Variants in MED13 observed in about 807,000 individuals in gnomAD.
MED13 encodes the protein mediator of RNA polymerase II transcription subunit 13.
MED13 carries 23 observed loss-of-function variants against 225.2 expected under a neutral mutation model. The observed-to-expected ratio is 0.10, with a 90% CI of 0.07 to 0.14. MED13 has a LOEUF of 0.14. Ranked by LOEUF, MED13 falls within the 10% of genes least tolerant of loss-of-function variation. The probability of loss-of-function intolerance (pLI) is 1.00; values close to 1 mark genes in which losing one functional copy is unlikely to be tolerated. For synonymous variants in MED13, 942 were observed against 889.2 expected (o/e 1.06, Z -1.06); for missense variants, 2,197 against 2,594.5 (o/e 0.85, Z 3.33).
At chr17:61,976,184 GATAA>G (rs1444909109) in intron 16 of MED13, among the ~76,000 whole-genome samples, 5 of 152,116 alleles carry the variant, frequency 3.3e-5, no homozygotes, top group African/African-American at 7.2e-5. Context: ...CTAATGAATG[GATAA>G]ATAAAATACG....
At chr17:61,993,252 A>G (rs2143510136) in intron 10 of MED13, among the ~76,000 whole-genome samples, 1 of 135,520 alleles carries the variant, frequency 7.4e-6, no homozygotes, top group East Asian at 2.2e-4. Context: ...CCCACGCTAG[A>G]GTGCAGTGGC....
At chr17:62,043,123 T>G (rs1474441263) in intron 3 of MED13, among the ~76,000 whole-genome samples, 1 of 117,084 alleles carries the variant, frequency 8.5e-6, no homozygotes, top group Non-Finnish European at 1.6e-5. Flanking sequence ...ACCACTGTAC[T>G]CTGGCCTAGG....
At chr17:62,038,830 A>AT (rs367641054) in intron 3 of MED13, among the ~76,000 whole-genome samples, 1 of 149,688 alleles carries the variant, frequency 6.7e-6, no homozygotes. Flanking sequence ...CACCCAGCTA[A>AT]TTTTTTTTTT....
chr17:61,985,437 G>C (rs1056104078), intron 12 of MED13, among the ~76,000 whole-genome samples: 1 of 152,182 alleles, frequency 6.6e-6, no homozygotes, highest in African/African-American at 2.4e-5. Context: ...ACTTTGGGAG[G>C]CTGAGGCAGG....
intron 12 of MED13, among the ~76,000 whole-genome samples, chr17:61,985,762 C>T (rs1189174011): frequency 6.6e-6 from 1 of 152,186 alleles, no homozygotes; most frequent in Non-Finnish European, 1.5e-5. Context: ...GCAGAGAAAG[C>T]ATTTGTCTCC....
intron 9 of MED13, among the ~76,000 whole-genome samples, chr17:61,997,420 A>G (rs1400094388): frequency 6.6e-6 from 1 of 152,198 alleles, no homozygotes. Flanking sequence ...TAAACAGCTG[A>G]GTATCAAGTG....
intron 20 of MED13, among the ~76,000 whole-genome samples, chr17:61,964,684 C>G (rs1053153246): frequency 6.6e-6 from 1 of 152,086 alleles, no homozygotes; most frequent in African/African-American, 2.4e-5. Context: ...GTCTGTAATC[C>G]CAGCACTTTG....
rs781626828 is a variant in MED13, at chr17:61,982,188, C to T, written c.3805+10G>A. The T allele has an allele frequency of 2.5e-6, 4 of 1,583,358 alleles. No individual in the cohort carries two copies. In the East Asian group the frequency reaches 9.0e-5, roughly 36 times the overall value. Reference sequence around the variant, plus strand: ...AGCAAACAAAAAAGTATTTTATTGGCATACTTTACCGTTTCTTTTGGACCA... The same window carrying T: ...AGCAAACAAAAAAGTATTTTATTGGTATACTTTACCGTTTCTTTTGGACCA... On this transcript the variant is annotated intron_variant, in intron 16 of 29. Transcript: ENST00000397786.
intron 4 of MED13, among the ~76,000 whole-genome samples, chr17:62,034,486 CAA>C (rs11291859): frequency 2.0e-3 from 197 of 96,312 alleles, no homozygotes; most frequent in African/African-American, 5.6e-3. Context: ...GACTTCATCT[CAA>C]AAAAAAAAAA....
In MED13 at chr17:62,010,725, C is replaced by A. The variant is rs200533411; in HGVS notation, c.1792G>T (p.Val598Leu). ...PQYQEAVEPT[V>L]YVGTAVNLEE... ...AAGTTTACTGCTGTACCAACATATA[C>A]TGTAGGTTCTACAGCTTCCTGATAT... The change falls in exon 9 of 30, where the codon GTA becomes TTA. Residue 598 changes from valine to leucine, a missense_variant. Around this residue, in one of 12 missense-constraint regions of MED13, gnomAD observed 884 missense variants for 918.5 expected, o/e 0.96. Transcript: ENST00000397786. The A allele has an allele frequency of 1.2e-4, 201 of 1,612,036 alleles. No individual in the cohort carries two copies. Among genetic ancestry groups the A allele is most frequent in the Admixed American group, 1.7e-4 (10 of 59,842 alleles).
intron 3 of MED13, among the ~76,000 whole-genome samples, chr17:62,043,825 TA>T (rs1278375379): frequency 1.3e-5 from 2 of 152,226 alleles, no homozygotes; most frequent in African/African-American, 4.8e-5. Flanking sequence ...CTTACTGAAT[TA>T]AAAAATATAT....
intron 26 of MED13, among the ~76,000 whole-genome samples, chr17:61,953,653 T>G (rs1267220826): frequency 6.6e-6 from 1 of 152,202 alleles, no homozygotes. Context: ...TATTTTGACT[T>G]TGGCCCAGTG....
chr17:62,011,232 G>A lies in MED13; in HGVS notation c.1285C>T (p.His429Tyr). Residue 429 changes from histidine (H) to tyrosine (Y), a missense_variant and splice_region_variant, in exon 9 of 30, where the codon CAC (histidine) becomes TAC (tyrosine). By Grantham distance (83) the His-to-Tyr change is moderately conservative. Coordinates refer to ENST00000397786, the MANE Select transcript of MED13 (RefSeq NM_005121.3). The part of the protein sequence containing the change: ...TQRTNCSCLR[H>Y]KNLKSRNAGQ... ...GCATTTCTTGACTTGAGATTTTTGT[G>A]CCTGAAAAGTGAAAATAAAGGTTTC... The A allele has an allele frequency of 6.2e-7, 1 of 1,602,144 alleles. No individual in the cohort carries two copies. Among genetic ancestry groups the A allele is most frequent in the East Asian group, 2.2e-5 (1 of 44,778 alleles).
Position 61,993,949 on chromosome 17 carries a change from A to AAAC in MED13, c.2181+1202_2181+1203insGTT, listed in dbSNP as rs1491586213. On this transcript the variant is annotated intron_variant, in intron 10 of 29. Transcript: ENST00000397786. ...TCCGTCTCAAAACAAACAAACAAACAAAAAAAAAAACTCACACGTATTATT... is the reference window on the plus strand; with the variant it reads ...TCCGTCTCAAAACAAACAAACAAACAAACAAAAAAAAAACTCACACGTATTATT... Among the ~76,000 whole-genome samples the AAAC allele has an allele frequency of 1.1e-4, 7 of 61,944 alleles. No homozygotes were observed. The African/African-American group carries it at 3.5e-3, about 31-fold the overall frequency. The allele number at this position is 61,944 out of a possible 152,430, so 40.6% of individuals were successfully genotyped here.
intron 9 of MED13, among the ~76,000 whole-genome samples, chr17:61,997,562 TA>T (rs1194501720): frequency 6.6e-6 from 1 of 152,160 alleles, no homozygotes; most frequent in African/African-American, 2.4e-5. Flanking sequence ...ATTTAATACT[TA>T]AAATAATATT....
intron 2 of MED13, among the ~76,000 whole-genome samples, chr17:62,061,437 G>A (rs1205170040): frequency 3.3e-5 from 5 of 152,006 alleles, no homozygotes; most frequent in African/African-American, 1.2e-4. Flanking sequence ...GTATTTCATG[G>A]AATCTTAAAA....
chr17:62,001,620 A>C lies in MED13; in HGVS notation c.1968-6255T>G, dbSNP rs115918373. ...GTCTCATTTCTCATCATGACACACC[A>C]AACTACTAAGGAGCACCCCTATAAT... On this transcript the variant is annotated intron_variant, in intron 9 of 29. Transcript: ENST00000397786. Among the ~76,000 whole-genome samples, 996 of 152,324 alleles carry C rather than the reference A, an allele frequency of 6.5e-3. 10 individuals are homozygous for C. Among genetic ancestry groups the C allele is most frequent in the African/African-American group, 0.023 (947 of 41,556 alleles).
Position 61,979,989 on chromosome 17 carries a change from GA to G in MED13, c.3805+2208del, listed in dbSNP as rs577703158. On this transcript the variant is annotated intron_variant, in intron 16 of 29. Transcript: ENST00000397786. Reference sequence around the variant, plus strand: ...GGATTGCCTGAGCTCAGGAGTTCGAGACCAGCCTGGGCAACACAGTGAAACC... The same window carrying G: ...GGATTGCCTGAGCTCAGGAGTTCGAGCCAGCCTGGGCAACACAGTGAAACC... Among the ~76,000 whole-genome samples, 8 of 152,286 alleles carry G rather than the reference GA, an allele frequency of 5.3e-5. No homozygotes were observed. The South Asian group carries it at 1.7e-3, about 32-fold the overall frequency.
At chr17:61,989,299 C>T (rs1320964350) in intron 11 of MED13, among the ~76,000 whole-genome samples, 1 of 151,192 alleles carries the variant, frequency 6.6e-6, no homozygotes, top group Non-Finnish European at 1.5e-5. Context: ...CGTGAGCCAC[C>T]ACGCCCAGCC....
Sources: allele counts gnomAD v4.1 joint callset (sites outside exome capture counted in the v4.1 genomes callset), GRCh38; gene constraint gnomAD v4.1.1; regional missense constraint gnomAD v4.1.1; transcripts MANE v1.5; gene names NCBI Gene and HGNC (gene_info 2026-07-23, HGNC 2026-07-21).